Variants in MINDY3 observed in about 807,000 individuals in gnomAD.
MINDY3 encodes ubiquitin carboxyl-terminal hydrolase MINDY-3.
In MINDY3, 38 loss-of-function variants were observed where a neutral mutation model predicts 69.2. The observed-to-expected ratio is 0.55, with a 90% CI of 0.42 to 0.72. The LOEUF (loss-of-function observed/expected upper bound fraction) is 0.72, where lower values mean the gene tolerates loss of function less well. Ranked by LOEUF, MINDY3 falls within the 30% of genes least tolerant of loss-of-function variation. MINDY3 has a pLI of 0.00. For synonymous variants in MINDY3, 192 were observed against 180.1 expected, an observed-to-expected ratio of 1.07 and a Z score of -0.53; for missense variants, 522 against 519.0, an observed-to-expected ratio of 1.01 and a Z score of -0.06.
rs1426669720 is a variant in MINDY3 at position 15,798,758 on chromosome 10, C to T, written c.883-2586G>A. ...TCATGCCATTGCACTCCAGCCTGGGCAACAGGGCAAGACTCTGTCTCAAAA... is the reference window on the plus strand; with the variant it reads ...TCATGCCATTGCACTCCAGCCTGGGTAACAGGGCAAGACTCTGTCTCAAAA... On this transcript the variant is annotated intron_variant, in intron 10 of 14. Coordinates refer to ENST00000277632, the MANE Select transcript of MINDY3 (RefSeq NM_024948.4). 2.7e-5 allele frequency among the ~76,000 whole-genome samples: 4 copies of T among 150,620 alleles called. No homozygotes were observed. The East Asian group carries it at 7.8e-4, about 29-fold the overall frequency.
chr10:15,826,502 C>T (rs1840094703), intron 8 of MINDY3, among the ~76,000 whole-genome samples: 1 of 152,042 alleles, frequency 6.6e-6, no homozygotes, highest in Non-Finnish European at 1.5e-5. Flanking sequence ...ATATAATTTC[C>T]TCAAAATAAC....
At chr10:15,842,873 C>G (rs1833571057) in intron 3 of MINDY3, among the ~76,000 whole-genome samples, 2 of 138,686 alleles carry the variant, frequency 1.4e-5, no homozygotes. Flanking sequence ...AATGATAATT[C>G]TGAGGTCTTG....
chr10:15,843,524 T>C (rs1286327663), intron 2 of MINDY3, among the ~76,000 whole-genome samples: 1 of 152,068 alleles, frequency 6.6e-6, no homozygotes, highest in Non-Finnish European at 1.5e-5. Flanking sequence ...TTCTGACAAG[T>C]AGAAGAACTA....
chr10:15,782,109 T>C (rs767300788), intron 14 of MINDY3, 46 bp downstream of exon 14: 2 of 1,349,906 alleles, frequency 1.5e-6, no homozygotes, highest in South Asian at 2.4e-5. Context: ...CACATAATTA[T>C]TTCATCAACC....
Position 15,805,874 on chromosome 10 carries a change from G to A in MINDY3, c.883-9702C>T, listed in dbSNP as rs911290143. Reference sequence around the variant, plus strand: ...CAGCCAACATGTAAGTTATGAGGGCGGTAAGCTTTGGGCTGGGTGTGTTGG... The same window carrying A: ...CAGCCAACATGTAAGTTATGAGGGCAGTAAGCTTTGGGCTGGGTGTGTTGG... On this transcript the variant is annotated intron_variant, in intron 10 of 14. Transcript: ENST00000277632. 7.2e-5 allele frequency among the ~76,000 whole-genome samples: 11 copies of A among 152,268 alleles called. No individual in the cohort carries two copies. In the East Asian group the frequency reaches 1.2e-3, roughly 16 times the overall value.
intron 6 of MINDY3, among the ~76,000 whole-genome samples, chr10:15,836,365 C>A (rs961512478): frequency 6.6e-6 from 1 of 151,968 alleles, no homozygotes; most frequent in African/African-American, 2.4e-5. Flanking sequence ...AGACAGAAGA[C>A]CAAACGCCAA....
In MINDY3 at chr10:15,834,532, T is replaced by C. The variant is rs1588620043; in HGVS notation, c.650+11A>G. The C allele has an allele frequency of 1.3e-6, 2 of 1,594,558 alleles. No individual in the cohort carries two copies. ...GTTCACATGAGGAGACAAGAGATTT[T>C]AGTTAATTACCTGCCATGTCCATAT... On this transcript the variant is annotated intron_variant, in intron 7 of 14. Coordinates refer to ENST00000277632, the MANE Select transcript of MINDY3 (RefSeq NM_024948.4).
intron 1 of MINDY3, among the ~76,000 whole-genome samples, chr10:15,859,133 T>C (rs530336534): frequency 6.6e-6 from 1 of 152,288 alleles, no homozygotes; most frequent in Admixed American, 6.5e-5. Flanking sequence ...ATATCCCAAC[T>C]TAACAATACA....
At chr10:15,846,816 C>T (rs1833881686) in intron 2 of MINDY3, among the ~76,000 whole-genome samples, 1 of 151,842 alleles carries the variant, frequency 6.6e-6, no homozygotes, top group Admixed American at 6.6e-5. Flanking sequence ...ATCCACCTCC[C>T]AGGTTCACGC....
intron 6 of MINDY3, among the ~76,000 whole-genome samples, chr10:15,836,602 T>C (rs529471923): frequency 5.3e-5 from 8 of 151,546 alleles, no homozygotes; most frequent in African/African-American, 1.9e-4. Context: ...AGACTGGTAT[T>C]TGGGGAAAAA....
chr10:15,822,600 A>C (rs1839845346), intron 8 of MINDY3, among the ~76,000 whole-genome samples: 1 of 152,144 alleles, frequency 6.6e-6, no homozygotes, highest in Non-Finnish European at 1.5e-5. Context: ...AAGAATTAAG[A>C]AGTAAGTTCT....
At position 15,823,530 on chromosome 10, in the gene MINDY3, A is replaced by C. The variant is rs554872626; in HGVS notation, c.731-1804T>G. ...CTCCTTAATTTTTGTTAAGTTTATT[A>C]AAAATGTTATTTATGTTAATATTAA... is the stretch of plus-strand genomic sequence containing the variant. On this transcript the variant is annotated intron_variant, in intron 8 of 14. Transcript: ENST00000277632. 2.0e-5 allele frequency among the ~76,000 whole-genome samples: 3 copies of C among 152,278 alleles called. No homozygotes were observed. The South Asian group carries it at 6.2e-4, about 32-fold the overall frequency.
intron 9 of MINDY3, among the ~76,000 whole-genome samples, chr10:15,820,665 AT>A (rs1839697585): frequency 6.6e-6 from 1 of 152,256 alleles, no homozygotes; most frequent in Non-Finnish European, 1.5e-5. Flanking sequence ...GACAAATCCA[AT>A]TTGATTATCA....
intron 9 of MINDY3, among the ~76,000 whole-genome samples, chr10:15,820,459 C>T (rs1839683047): frequency 6.6e-6 from 1 of 152,210 alleles, no homozygotes; most frequent in South Asian, 2.1e-4. Flanking sequence ...GCCCCACCCC[C>T]CGCCTCCATG....
At chr10:15,852,673 T>C (rs1405107491) in intron 1 of MINDY3, among the ~76,000 whole-genome samples, 1 of 152,110 alleles carries the variant, frequency 6.6e-6, no homozygotes, top group Non-Finnish European at 1.5e-5. Flanking sequence ...TCATTGGGAA[T>C]ACTAAAAATA....
intron 8 of MINDY3, among the ~76,000 whole-genome samples, chr10:15,830,495 C>T (rs1214322447): frequency 5.3e-5 from 8 of 152,230 alleles, no homozygotes; most frequent in Non-Finnish European, 5.9e-5. Flanking sequence ...AGCTAACATA[C>T]TTAATGATAC....
chr10:15,788,633 AT>A (rs774967835), intron 12 of MINDY3, among the ~76,000 whole-genome samples: 1 of 152,126 alleles, frequency 6.6e-6, no homozygotes, highest in Non-Finnish European at 1.5e-5. Context: ...AAGAAGAGTT[AT>A]TTTTTCATGG....
At chr10:15,825,844 C>A (rs1184782568) in intron 8 of MINDY3, among the ~76,000 whole-genome samples, 1 of 151,980 alleles carries the variant, frequency 6.6e-6, no homozygotes, top group Non-Finnish European at 1.5e-5. Context: ...ATACTGATTT[C>A]TTTTTATAAA....
intron 9 of MINDY3, among the ~76,000 whole-genome samples, chr10:15,818,798 G>A (rs1163815821): frequency 6.6e-6 from 1 of 152,156 alleles, no homozygotes; most frequent in Non-Finnish European, 1.5e-5. Flanking sequence ...ATCCACAGAG[G>A]CAGAAACAAG....
Sources: allele counts gnomAD v4.1 joint callset (sites outside exome capture counted in the v4.1 genomes callset), GRCh38; gene constraint gnomAD v4.1.1; transcripts MANE v1.5; gene names NCBI Gene and HGNC (gene_info 2026-07-23, HGNC 2026-07-21).